PLPP7: variants seen among roughly 807,000 people sequenced by gnomAD.
The protein encoded by PLPP7 is phospholipid phosphatase 7 (inactive).
In PLPP7, 11 loss-of-function variants were observed where a neutral mutation model predicts 16.9. The observed-to-expected ratio is 0.65, with a 90% CI of 0.41 to 1.08. The LOEUF (loss-of-function observed/expected upper bound fraction) is 1.08. Among genes scored for constraint, PLPP7 ranks in the 50% least tolerant of loss-of-function variants. The probability of loss-of-function intolerance (pLI) is 0.00; values close to 1 mark genes in which losing one functional copy is unlikely to be tolerated. For synonymous variants in PLPP7, 174 were observed against 175.1 expected (o/e 0.99, Z 0.05); for missense variants, 358 against 397.1 (o/e 0.90, Z 0.84).
chr9:131,308,659 C>T lies in PLPP7; in HGVS notation c.*372C>T. On this transcript the variant is annotated 3_prime_UTR_variant, in exon 2 of 2. Coordinates refer to ENST00000372264, the MANE Select transcript of PLPP7 (RefSeq NM_032728.4). ...CATGACTGTTGAGTTCTTGGCTGTG[C>T]CCATCACGCCACAGCACGACGCCTG... The T allele has an allele frequency of 4.1e-6, 1 of 241,624 alleles. No individual in the cohort carries two copies. Among genetic ancestry groups the T allele is most frequent in the Non-Finnish European group, 8.1e-6 (1 of 123,006 alleles). The allele number at this position is 241,624 out of a possible 1,614,324, so 15.0% of individuals were successfully genotyped here.
intron 1 of PLPP7, among the ~76,000 whole-genome samples, chr9:131,298,418 G>A (rs1835759318): frequency 6.6e-6 from 1 of 151,998 alleles, no homozygotes; most frequent in Admixed American, 6.6e-5. Context: ...CCAGCCCTTC[G>A]CAGCCTGCAG....
chr9:131,307,245 CAAAA>C (rs1205183897), intron 1 of PLPP7, among the ~76,000 whole-genome samples: 10 of 97,874 alleles, frequency 1.0e-4, no homozygotes, highest in Non-Finnish European at 1.5e-4. Context: ...GACCCTGTAT[CAAAA>C]AAAAAAAAAA....
intron 1 of PLPP7, among the ~76,000 whole-genome samples, chr9:131,298,692 A>G (rs1270472585): frequency 6.6e-6 from 1 of 152,204 alleles, no homozygotes; most frequent in Non-Finnish European, 1.5e-5. Flanking sequence ...TCAGGAGGAG[A>G]TGATTCCAAA....
rs1835677084 is a variant in PLPP7, at chr9:131,291,431, TA to T, written c.451+984del. 26 of 1,143,312 alleles carry T rather than the reference TA, an allele frequency of 2.3e-5. No individual in the cohort carries two copies. The South Asian group carries it at 4.4e-4, about 19-fold the overall frequency. The allele number at this position is 1,143,312 out of a possible 1,614,324, so 70.8% of individuals were successfully genotyped here. On this transcript the variant is annotated intron_variant, in intron 1 of 1. Transcript: ENST00000372264. ...CAGAGGAAGTTACAATAAAAACACGTATCTCCCTGCTCTAGTCTCAGTCTGG... is the reference window on the plus strand; with the variant it reads ...CAGAGGAAGTTACAATAAAAACACGTTCTCCCTGCTCTAGTCTCAGTCTGG...
intron 1 of PLPP7, among the ~76,000 whole-genome samples, chr9:131,294,528 G>C (rs1043110415): frequency 1.7e-4 from 26 of 152,170 alleles, no homozygotes; most frequent in Non-Finnish European, 3.5e-4. Flanking sequence ...CCAGGTGACA[G>C]GTGACAGGTG....
intron 1 of PLPP7, chr9:131,291,501 T>C (rs1588206799): frequency 7.6e-6 from 6 of 788,868 alleles, no homozygotes; most frequent in Non-Finnish European, 9.4e-6. Context: ...GCAGAAACCA[T>C]TGGATACTTC....
chr9:131,291,457 G>A, intron 1 of PLPP7: 1 of 1,092,904 alleles, frequency 9.1e-7, no homozygotes, highest in Non-Finnish European at 1.1e-6. Flanking sequence ...TCTCAGTCTG[G>A]AGGCTCTATG....
chr9:131,296,313 G>C (rs1835734392), intron 1 of PLPP7, among the ~76,000 whole-genome samples: 1 of 152,160 alleles, frequency 6.6e-6, no homozygotes, highest in African/African-American at 2.4e-5. Flanking sequence ...CACCAGGCTG[G>C]AGTAAAGTGA....
chr9:131,296,534 G>A (rs945142710), intron 1 of PLPP7, among the ~76,000 whole-genome samples: 6 of 152,132 alleles, frequency 3.9e-5, no homozygotes, highest in Admixed American at 1.3e-4. Context: ...GATTATAGGC[G>A]AGAGCCACGG....
chr9:131,296,720 G>T lies in PLPP7; in HGVS notation c.451+6272G>T, dbSNP rs536154587. On this transcript the variant is annotated intron_variant, in intron 1 of 1. Transcript: ENST00000372264. Reference sequence around the variant, plus strand: ...TGCTAATGTGTGATGTGTTTCTCAGGCTGTGTTTTGCCCGGTTTGGCCTCA... The same window carrying T: ...TGCTAATGTGTGATGTGTTTCTCAGTCTGTGTTTTGCCCGGTTTGGCCTCA... Among the ~76,000 whole-genome samples the T allele has an allele frequency of 6.6e-5, 10 of 152,268 alleles. 1 individual carries two copies. The highest frequency in any genetic ancestry group is 4.2e-4 in the South Asian group (2 of 4,814).
intron 1 of PLPP7, among the ~76,000 whole-genome samples, chr9:131,307,020 AGGTCACC>A (rs1564249420): frequency 1.3e-5 from 2 of 151,378 alleles, no homozygotes; most frequent in African/African-American, 4.9e-5. Context: ...TGAGGCGGGC[AGGTCACC>A]TGAGGCCAGG....
Position 131,290,380 on chromosome 9 carries a change from G to C in PLPP7, c.383G>C (p.Gly128Ala). The change falls in exon 1 of 2, where the codon GGC becomes GCC. Residue 128 changes from glycine to alanine, a missense_variant. Physicochemically the swap from Gly to Ala is moderately conservative, Grantham distance 60. Transcript: ENST00000372264. This position sits in a 1 kb window ranked among gnomAD's most constrained non-coding sequence, Gnocchi z 4.2. ...GGCCACGGCATCCCCTGGATCGGAG[G>C]CACCATCCTCTGCCTGGTGAAGAGC... ...ITGHGIPWIG[G>A]TILCLVKSST... is the part of the protein sequence containing the mutation. 1 of 1,602,620 alleles carries C rather than the reference G, an allele frequency of 6.2e-7. No individual in the cohort carries two copies. The highest frequency in any genetic ancestry group is 8.5e-7 in the Non-Finnish European group (1 of 1,174,806).
Position 131,307,960 on chromosome 9 carries a change from G to A in PLPP7, c.489G>A (p.Gln163=). ...ACATCATGACGGTGGCCGGCGTGCA[G>A]AAGCTCATCAAGCGGCGCGGCCCGT... The part of the protein sequence containing the change: ...LLDIMTVAGV[Q]KLIKRRGPYE... Residue 163 remains glutamine, a synonymous_variant, in exon 2 of 2, where the codon CAG becomes CAA. Coordinates refer to ENST00000372264, the MANE Select transcript of PLPP7 (RefSeq NM_032728.4). The A allele has an allele frequency of 1.3e-6, 2 of 1,597,884 alleles. No homozygotes were observed. Among genetic ancestry groups the A allele is most frequent in the Non-Finnish European group, 1.7e-6 (2 of 1,178,456 alleles).
chr9:131,295,624 C>T lies in PLPP7; in HGVS notation c.451+5176C>T, dbSNP rs150077597. On this transcript the variant is annotated intron_variant, in intron 1 of 1. Transcript: ENST00000372264. The surrounding 1 kb of genome is among the most constrained non-coding windows in gnomAD (Gnocchi z 4.0). ...ACTCTTTTCATCTTTCATCTTAAAA[C>T]ACAGAAGCTCTGTCCCCATTAAGCA... Among the ~76,000 whole-genome samples, 340 of 152,236 alleles carry T rather than the reference C, an allele frequency of 2.2e-3. 1 individual carries two copies. Among genetic ancestry groups the T allele is most frequent in the African/African-American group, 7.9e-3 (327 of 41,546 alleles).
chr9:131,305,966 G>A (rs539116510), intron 1 of PLPP7, among the ~76,000 whole-genome samples: 37 of 152,102 alleles, frequency 2.4e-4, no homozygotes, highest in Admixed American at 2.6e-4. Context: ...CACCAGGTGC[G>A]GTGGCTCACG....
Position 131,290,454 on chromosome 9 carries a change from T to C in PLPP7, c.451+6T>C. On this transcript the variant is annotated splice_donor_region_variant and intron_variant, in intron 1 of 1. Coordinates refer to ENST00000372264, the MANE Select transcript of PLPP7 (RefSeq NM_032728.4). The surrounding 1 kb of genome is among the most constrained non-coding windows in gnomAD (Gnocchi z 4.2). The stretch of plus-strand genomic sequence containing the variant: ...GCTCATGAATCTGCTCCTGGGTGAG[T>C]GTGCCTGCCGCCCGCCACTCACTGT... 6.7e-7 allele frequency: 1 copy of C among 1,491,634 alleles called. No individual in the cohort carries two copies. The highest frequency in any genetic ancestry group is 8.9e-7 in the Non-Finnish European group (1 of 1,122,766). 92.4% of individuals were successfully genotyped at this position (1,491,634 alleles called of 1,614,324 possible). A position where few individuals can be genotyped will look rare whatever the true frequency, so the allele number is the denominator to read the frequency against.
intron 1 of PLPP7, among the ~76,000 whole-genome samples, chr9:131,306,130 A>G (rs1041708692): frequency 1.3e-5 from 2 of 152,112 alleles, no homozygotes; most frequent in Admixed American, 6.5e-5. Context: ...CCAGCTACTC[A>G]GGAGGCTGAG....
At chr9:131,296,079 A>G (rs919240551) in intron 1 of PLPP7, among the ~76,000 whole-genome samples, 2 of 152,174 alleles carry the variant, frequency 1.3e-5, no homozygotes, top group African/African-American at 2.4e-5. Context: ...GACCTGTCCT[A>G]CTGTTGCCCA....
Position 131,291,271 on chromosome 9 carries a change from A to G in PLPP7, c.451+823A>G. On this transcript the variant is annotated intron_variant, in intron 1 of 1. Coordinates refer to ENST00000372264, the MANE Select transcript of PLPP7 (RefSeq NM_032728.4). ...CTTCCACCCTCCACGCCAGGCCCGCATCGATTTCCTTGTCTTTCCCGGTGT... is the reference window on the plus strand; with the variant it reads ...CTTCCACCCTCCACGCCAGGCCCGCGTCGATTTCCTTGTCTTTCCCGGTGT... 3.1e-6 allele frequency: 4 copies of G among 1,288,074 alleles called. No homozygotes were observed. In the South Asian group the frequency reaches 3.6e-5, roughly 12 times the overall value. The allele number at this position is 1,288,074 out of a possible 1,614,324, so 79.8% of individuals were successfully genotyped here.
Sources: gnomAD v4.1 joint callset for allele counts (sites outside exome capture counted in the v4.1 genomes callset) on GRCh38, gnomAD v4.1.1 for gene constraint, Gnocchi (gnomAD v3.1) non-coding constraint, MANE v1.5 for transcripts, NCBI Gene and HGNC (gene_info 2026-07-23, HGNC 2026-07-21) for gene names.